The following ATXN10 variants were observed in gnomAD, a reference collection of about 807,000 sequenced individuals.
The protein encoded by ATXN10 is ataxin-10.
A neutral mutation model predicts 52.9 loss-of-function variants in ATXN10; 28 were observed. The ratio of observed to expected loss-of-function variants is 0.53; its 90% CI spans 0.39 to 0.73. The LOEUF (loss-of-function observed/expected upper bound fraction) is 0.73. Among genes scored for constraint, ATXN10 ranks in the 30% least tolerant of loss-of-function variants. ATXN10 has a pLI of 0.00. For missense variants in ATXN10, 565 were observed against 577.0 expected, an observed-to-expected ratio of 0.98 and a Z score of 0.21; for synonymous variants, 226 against 221.5, an observed-to-expected ratio of 1.02 and a Z score of -0.18.
chr22:45,792,222 GA>G (rs1198815871), intron 9 of ATXN10, among the ~76,000 whole-genome samples: 2 of 152,098 alleles, frequency 1.3e-5, no homozygotes, highest in African/African-American at 2.4e-5. Context: ...ATATAAATTA[GA>G]TTAAGAGGAG....
chr22:45,805,890 C>G lies in ATXN10; in HGVS notation c.1174-1069C>G, dbSNP rs1308424948. Among the ~76,000 whole-genome samples the G allele has an allele frequency of 3.3e-5, 5 of 152,182 alleles. No homozygotes were observed. The highest frequency in any genetic ancestry group is 7.3e-5 in the Non-Finnish European group (5 of 68,040). On this transcript the variant is annotated intron_variant, in intron 9 of 11. Transcript: ENST00000252934. This position sits in a 1 kb window ranked among gnomAD's most constrained non-coding sequence, Gnocchi z 4.4. ...AGCAAAAAATGAACTGGGCCAGGCACAGTCACTCATGCCGATAATCCCAGT... is the reference window on the plus strand; with the variant it reads ...AGCAAAAAATGAACTGGGCCAGGCAGAGTCACTCATGCCGATAATCCCAGT...
At chr22:45,730,528 G>T (rs751252913) in intron 7 of ATXN10, among the ~76,000 whole-genome samples, 1 of 152,050 alleles carries the variant, frequency 6.6e-6, no homozygotes, top group Non-Finnish European at 1.5e-5. Flanking sequence ...CTGCCTCCTG[G>T]GTTCAGTCAA....
At chr22:45,699,148 C>CT (rs1329763751) in intron 3 of ATXN10, among the ~76,000 whole-genome samples, 1 of 152,096 alleles carries the variant, frequency 6.6e-6, no homozygotes, top group Non-Finnish European at 1.5e-5. Flanking sequence ...GGCCTTTATT[C>CT]TTTCTTACTC....
chr22:45,766,849 A>T lies in ATXN10; in HGVS notation c.1173+26311A>T, dbSNP rs568939193. Among the ~76,000 whole-genome samples, 26 of 152,386 alleles carry T rather than the reference A, an allele frequency of 1.7e-4. No homozygotes were observed. The highest frequency in any genetic ancestry group is 3.3e-4 in the Admixed American group (5 of 15,306). On this transcript the variant is annotated intron_variant, in intron 9 of 11. Coordinates refer to ENST00000252934, the MANE Select transcript of ATXN10 (RefSeq NM_013236.4). The surrounding 1 kb of genome is among the most constrained non-coding windows in gnomAD (Gnocchi z 4.6). ...CCAATAGCCCTACAGAAAAATGGAT[A>T]AAAGATATGAATAGACAGTTTACAG...
intron 6 of ATXN10, among the ~76,000 whole-genome samples, chr22:45,722,604 G>T (rs1330281886): frequency 1.3e-5 from 2 of 152,134 alleles, no homozygotes; most frequent in Non-Finnish European, 2.9e-5. Context: ...CTGGGCCAGG[G>T]AGAAGTTGAG....
In ATXN10 at chr22:45,805,571, G is replaced by A. The variant is rs1015980713; in HGVS notation, c.1174-1388G>A. On this transcript the variant is annotated intron_variant, in intron 9 of 11. Coordinates refer to ENST00000252934, the MANE Select transcript of ATXN10 (RefSeq NM_013236.4). The surrounding 1 kb of genome is among the most constrained non-coding windows in gnomAD (Gnocchi z 4.4). The stretch of plus-strand genomic sequence containing the variant: ...ATGCCACAACATGGGTGAACCTTGA[G>A]TGAAAGAAGCCAGGTTCAAAAGGCT... Among the ~76,000 whole-genome samples, 1 of 152,198 alleles carries A rather than the reference G, an allele frequency of 6.6e-6. No individual in the cohort carries two copies. Among genetic ancestry groups the A allele is most frequent in the African/African-American group, 2.4e-5 (1 of 41,454 alleles).
intron 9 of ATXN10, chr22:45,792,689 C>T (rs888698180): frequency 2.2e-5 from 7 of 312,126 alleles, no homozygotes; most frequent in Non-Finnish European, 2.6e-5. Context: ...GTTTCAGTGG[C>T]TCTGAACTAT....
Position 45,828,679 on chromosome 22 carries a change from C to G in ATXN10, c.1238-14312C>G, listed in dbSNP as rs2146907465. ...GGACAAATTCCTAGAAACTCAAAAC[C>G]TATTATAAAATATGGATAGACCTAG... On this transcript the variant is annotated intron_variant, in intron 10 of 11. Coordinates refer to ENST00000252934, the MANE Select transcript of ATXN10 (RefSeq NM_013236.4). This position sits in a 1 kb window ranked among gnomAD's most constrained non-coding sequence, Gnocchi z 4.5. Among the ~76,000 whole-genome samples, 1 of 152,166 alleles carries G rather than the reference C, an allele frequency of 6.6e-6. No homozygotes were observed. Among genetic ancestry groups the G allele is most frequent in the South Asian group, 2.1e-4 (1 of 4,820 alleles).
chr22:45,773,294 T>C (rs1926837602), intron 9 of ATXN10, among the ~76,000 whole-genome samples: 1 of 152,196 alleles, frequency 6.6e-6, no homozygotes, highest in African/African-American at 2.4e-5. Context: ...GATGAAGTTT[T>C]ATTTCTTCTT....
intron 4 of ATXN10, among the ~76,000 whole-genome samples, chr22:45,700,600 A>G (rs985435252): frequency 3.3e-5 from 5 of 152,092 alleles, no homozygotes; most frequent in African/African-American, 1.2e-4. Flanking sequence ...GGTTACATGG[A>G]TGTATACATA....
chr22:45,715,712 T>A lies in ATXN10; in HGVS notation c.648-2701T>A, dbSNP rs373092140. Among the ~76,000 whole-genome samples, 11 of 152,338 alleles carry A rather than the reference T, an allele frequency of 7.2e-5. No homozygotes were observed. The South Asian group carries it at 1.7e-3, about 23-fold the overall frequency. On this transcript the variant is annotated intron_variant, in intron 5 of 11. Coordinates refer to ENST00000252934, the MANE Select transcript of ATXN10 (RefSeq NM_013236.4). This position sits in a 1 kb window ranked among gnomAD's most constrained non-coding sequence, Gnocchi z 4.4. ...CTGAGTGATATTTATAGACCTTCCCTTAGTACTTCCAAACTCCACTTTCTT... is the reference window on the plus strand; with the variant it reads ...CTGAGTGATATTTATAGACCTTCCCATAGTACTTCCAAACTCCACTTTCTT...
In ATXN10 at chr22:45,775,282, G is replaced by T. The variant is rs1276112869; in HGVS notation, c.1174-31677G>T. Among the ~76,000 whole-genome samples, 1 of 152,178 alleles carries T rather than the reference G, an allele frequency of 6.6e-6. No homozygotes were observed. The highest frequency in any genetic ancestry group is 1.5e-5 in the Non-Finnish European group (1 of 68,034). The stretch of plus-strand genomic sequence containing the variant: ...GTCCTGGGCATGGGGCTGTGTCCCT[G>T]TCCCTGTGTTCACATCTGGACCTCA... On this transcript the variant is annotated intron_variant, in intron 9 of 11. Transcript: ENST00000252934. This position sits in a 1 kb window ranked among gnomAD's most constrained non-coding sequence, Gnocchi z 4.7.
rs1025950966 is a variant in ATXN10 at position 45,772,185 on chromosome 22, TC to T, written c.1173+31649del. On this transcript the variant is annotated intron_variant, in intron 9 of 11. Coordinates refer to ENST00000252934, the MANE Select transcript of ATXN10 (RefSeq NM_013236.4). The surrounding 1 kb of genome is among the most constrained non-coding windows in gnomAD (Gnocchi z 4.1). ...ACAAGAATTTTCTCATAGTTTTTCTTCCTAAAATTTTGTAGTTTTATGTTTT... is the reference window on the plus strand; with the variant it reads ...ACAAGAATTTTCTCATAGTTTTTCTTCTAAAATTTTGTAGTTTTATGTTTT... 7.9e-5 allele frequency among the ~76,000 whole-genome samples: 12 copies of T among 152,232 alleles called. No individual in the cohort carries two copies. Among genetic ancestry groups the T allele is most frequent in the African/African-American group, 2.7e-4 (11 of 41,462 alleles).
In ATXN10 at chr22:45,728,258, T is replaced by C. The variant is rs1924955524; in HGVS notation, c.729-1167T>C. Among the ~76,000 whole-genome samples the C allele has an allele frequency of 6.6e-6, 1 of 152,184 alleles. No homozygotes were observed. Among genetic ancestry groups the C allele is most frequent in the Admixed American group, 6.5e-5 (1 of 15,278 alleles). On this transcript the variant is annotated intron_variant, in intron 6 of 11. Coordinates refer to ENST00000252934, the MANE Select transcript of ATXN10 (RefSeq NM_013236.4). The surrounding 1 kb of genome is among the most constrained non-coding windows in gnomAD (Gnocchi z 4.3). ...CTTTTATTTCAAGCTTTAGAACTTTTAGCCTCAATTTATTTTTAAAGATTA... is the reference window on the plus strand; with the variant it reads ...CTTTTATTTCAAGCTTTAGAACTTTCAGCCTCAATTTATTTTTAAAGATTA...
At position 45,837,912 on chromosome 22, in the gene ATXN10, C is replaced by A. The variant is rs1445661215; in HGVS notation, c.1238-5079C>A. Among the ~76,000 whole-genome samples the A allele has an allele frequency of 6.6e-6, 1 of 152,194 alleles. No individual in the cohort carries two copies. The highest frequency in any genetic ancestry group is 1.5e-5 in the Non-Finnish European group (1 of 68,034). On this transcript the variant is annotated intron_variant, in intron 10 of 11. Transcript: ENST00000252934. This position sits in a 1 kb window ranked among gnomAD's most constrained non-coding sequence, Gnocchi z 5.8. ...AAAAGCACAGGCCATCATTTGCTGA[C>A]CCCTGTTCTTAGCAGTCTTCTAAAC... is the stretch of plus-strand genomic sequence containing the variant.
At chr22:45,829,068 A>AT (rs1442074052) in intron 10 of ATXN10, among the ~76,000 whole-genome samples, 7 of 152,246 alleles carry the variant, frequency 4.6e-5, no homozygotes, top group Admixed American at 4.6e-4. Flanking sequence ...GTGGTTCAAC[A>AT]TACTGAAATT....
At chr22:45,760,549 G>A (rs984027017) in intron 9 of ATXN10, 1 of 153,958 alleles carries the variant, frequency 6.5e-6, no homozygotes, top group African/African-American at 2.4e-5. Context: ...TTGATCAGAA[G>A]CCTTGATCAG....
At chr22:45,838,022 T>G (rs1929224952) in intron 10 of ATXN10, among the ~76,000 whole-genome samples, 1 of 152,194 alleles carries the variant, frequency 6.6e-6, no homozygotes, top group Non-Finnish European at 1.5e-5. Context: ...TAGCACTGAT[T>G]TTGATAGCTG....
At chr22:45,751,770 A>AATAATG (rs1925982270) in intron 9 of ATXN10, among the ~76,000 whole-genome samples, 1 of 124,370 alleles carries the variant, frequency 8.0e-6, no homozygotes, top group Non-Finnish European at 1.6e-5. Context: ...AAAAAATAAT[A>AATAATG]ATAATAATAA....
Sources: allele counts gnomAD v4.1 joint callset (sites outside exome capture counted in the v4.1 genomes callset), GRCh38; gene constraint gnomAD v4.1.1; non-coding constraint Gnocchi (gnomAD v3.1); transcripts MANE v1.5; gene names NCBI Gene and HGNC (gene_info 2026-07-23, HGNC 2026-07-21).